PPP2R5B: variants seen among roughly 807,000 people sequenced by gnomAD.
PPP2R5B encodes serine/threonine-protein phosphatase 2A 56 kDa regulatory subunit beta isoform.
In PPP2R5B, 19 loss-of-function variants were observed where a neutral mutation model predicts 59.9. The ratio of observed to expected loss-of-function variants is 0.32; its 90% confidence interval spans 0.22 to 0.47. The LOEUF is 0.47. Among genes scored for constraint, PPP2R5B ranks in the 20% least tolerant of loss-of-function variants. The pLI is 1.00. For synonymous variants in PPP2R5B, 286 were observed against 260.5 expected, an observed-to-expected ratio of 1.10 and a Z score of -0.94; for missense variants, 441 against 640.2, an observed-to-expected ratio of 0.69 and a Z score of 3.36.
At position 64,926,925 on chromosome 11, in the gene PPP2R5B, C is replaced by T. The variant is rs750358126; in HGVS notation, c.396+17C>T. Reference sequence around the variant, plus strand: ...ATCCGCATGGTGAGCACCTGCCACCCAGGCTCCGAGGGCCGGCCGAGAGGG... The same window carrying T: ...ATCCGCATGGTGAGCACCTGCCACCTAGGCTCCGAGGGCCGGCCGAGAGGG... On this transcript the variant is annotated intron_variant, in intron 3 of 13. Coordinates refer to ENST00000164133, the MANE Select transcript of PPP2R5B (RefSeq NM_006244.4). 4 of 1,610,692 alleles carry T rather than the reference C, an allele frequency of 2.5e-6. No individual in the cohort carries two copies. The highest frequency in any genetic ancestry group is 3.4e-6 in the Non-Finnish European group (4 of 1,178,112).
intron 3 of PPP2R5B, among the ~76,000 whole-genome samples, chr11:64,927,410 A>C (rs1490213876): frequency 6.6e-6 from 1 of 152,166 alleles, no homozygotes; most frequent in Non-Finnish European, 1.5e-5. Flanking sequence ...GCTGAAATCA[A>C]CCCATTAGAA....
At chr11:64,927,685 C>T (rs1264943209) in intron 3 of PPP2R5B, 117 bp from the exon 4 acceptor site, 3 of 790,124 alleles carry the variant, frequency 3.8e-6, no homozygotes, top group South Asian at 3.4e-5. Context: ...CCAGCTTGGG[C>T]AACAGAGCGA....
In PPP2R5B at chr11:64,925,623, C is replaced by A. The variant is rs556546384; in HGVS notation, c.-112C>A. 560 of 566,242 alleles carry A rather than the reference C, an allele frequency of 9.9e-4. 13 individuals carry two copies. Among genetic ancestry groups the A allele is most frequent in the Non-Finnish European group, 1.4e-3 (442 of 321,534 alleles). 35.1% of individuals were successfully genotyped at this position (566,242 alleles called of 1,614,324 possible). A position where few individuals can be genotyped will look rare whatever the true frequency, so the allele number is the denominator to read the frequency against. On this transcript the variant is annotated 5_prime_UTR_variant, in exon 2 of 14. Transcript: ENST00000164133. This position sits in a 1 kb window ranked among gnomAD's most constrained non-coding sequence, Gnocchi z 4.6. ...CCAGGACTGTGGTTGTGCCCCCCCC[C>A]CAAAGGCCGGACAGGATGGGACCAA... is the stretch of plus-strand genomic sequence containing the variant.
Position 64,928,116 on chromosome 11 carries a change from C to A in PPP2R5B, c.549C>A (p.Pro183=), listed in dbSNP as rs746347844. ...TCTTGGAGAGCCCAGACTTCCAGCC[C>A]TCCGTGGCCAAGAGATATGTGGATC... is the stretch of plus-strand genomic sequence containing the variant. The part of the protein sequence containing the change: ...LRFLESPDFQ[P]SVAKRYVDQK... Residue 183 remains proline, a synonymous_variant, in exon 5 of 14, where the codon CCC becomes CCA. Coordinates refer to ENST00000164133, the MANE Select transcript of PPP2R5B (RefSeq NM_006244.4). The A allele has an allele frequency of 1.4e-5, 22 of 1,614,234 alleles. No homozygotes were observed. In the Admixed American group the frequency reaches 3.3e-4, roughly 24 times the overall value.
chr11:64,931,329 C>T lies in PPP2R5B; in HGVS notation c.892-107C>T, dbSNP rs1945225495. 1 of 1,220,410 alleles carries T rather than the reference C, an allele frequency of 8.2e-7. No individual in the cohort carries two copies. 75.6% of individuals were successfully genotyped at this position (1,220,410 alleles called of 1,614,324 possible). ...AAATGCTTGGTGAATAAGAAAGTAA[C>T]AGGCCGTGGGTGAGCAGTATTTGGC... On this transcript the variant is annotated intron_variant, in intron 8 of 13. Transcript: ENST00000164133. This position sits in a 1 kb window ranked among gnomAD's most constrained non-coding sequence, Gnocchi z 5.0.
In PPP2R5B at chr11:64,926,724, C is replaced by T; in HGVS notation, c.212C>T (p.Ser71Phe). 1 of 1,614,074 alleles carries T rather than the reference C, an allele frequency of 6.2e-7. No homozygotes were observed. Among genetic ancestry groups the T allele is most frequent in the Non-Finnish European group, 8.5e-7 (1 of 1,180,004 alleles). Residue 71 changes from serine to phenylalanine, a missense_variant, in exon 3 of 14, where the codon TCC becomes TTC. Coordinates refer to ENST00000164133, the MANE Select transcript of PPP2R5B (RefSeq NM_006244.4). ...CTCTCCTCCCCAGATGTGCCGGCTT[C>T]CGAGCTGCACGAGCTGCTGAGCCGG... Reference protein sequence around the residue: ...PLPLLKDVPASELHELLSRKL... With the variant: ...PLPLLKDVPAFELHELLSRKL...
At chr11:64,927,713 GAAAAAA>G in intron 3 of PPP2R5B, 83 bp from the exon 4 acceptor site, 1 of 845,044 alleles carries the variant, frequency 1.2e-6, no homozygotes, top group Non-Finnish European at 1.8e-6. Flanking sequence ...TCTTGGGAAA[GAAAAAA>G]AAAAAAAAAG....
At chr11:64,926,146 C>T (rs866929415) in intron 2 of PPP2R5B, among the ~76,000 whole-genome samples, 6 of 152,230 alleles carry the variant, frequency 3.9e-5, no homozygotes, top group Non-Finnish European at 5.9e-5. Flanking sequence ...GTGGGACATC[C>T]GAAGGTGGTG....
upstream of PPP2R5B, among the ~76,000 whole-genome samples, chr11:64,920,812 T>A (rs555377300): frequency 1.3e-5 from 2 of 151,738 alleles, no homozygotes; most frequent in Admixed American, 1.3e-4. Flanking sequence ...CTGTTTTTAG[T>A]AGAGATGGGG....
rs1489188334 is a variant in PPP2R5B at position 64,933,796 on chromosome 11, C to T, written c.1446C>T (p.Pro482=). Residue 482 remains proline, a synonymous_variant, in exon 14 of 14, where the codon CCC becomes CCT. Coordinates refer to ENST00000164133, the MANE Select transcript of PPP2R5B (RefSeq NM_006244.4). ...GGACCCAGGGGGCCAAGGAGGCCCC[C>T]CTCCAGCGGCTTACACCCCAGGTGG... ...LQGTQGAKEA[P]LQRLTPQVAA... is the part of the protein sequence containing the mutation. 6.4e-7 allele frequency: 1 copy of T among 1,553,098 alleles called. No homozygotes were observed. Among genetic ancestry groups the T allele is most frequent in the Admixed American group, 2.0e-5 (1 of 51,076 alleles).
In PPP2R5B at chr11:64,931,341, G is replaced by C. The variant is rs150772085; in HGVS notation, c.892-95G>C. The C allele has an allele frequency of 7.3e-4, 981 of 1,344,708 alleles. 15 individuals are homozygous for C. The East Asian group carries it at 0.023, about 32-fold the overall frequency. 83.3% of individuals were successfully genotyped at this position (1,344,708 alleles called of 1,614,324 possible). ...AATAAGAAAGTAACAGGCCGTGGGT[G>C]AGCAGTATTTGGCATTCTGTCCTGG... is the stretch of plus-strand genomic sequence containing the variant. On this transcript the variant is annotated intron_variant, in intron 8 of 13. Transcript: ENST00000164133. The surrounding 1 kb of genome is among the most constrained non-coding windows in gnomAD (Gnocchi z 5.0).
intron 6 of PPP2R5B, among the ~76,000 whole-genome samples, chr11:64,928,727 A>C (rs1481107905): frequency 1.3e-5 from 2 of 152,250 alleles, no homozygotes; most frequent in Non-Finnish European, 2.9e-5. Context: ...TACTAAAAAT[A>C]CAAAAAATTA....
At position 64,928,303 on chromosome 11, in the gene PPP2R5B, G is replaced by A. The variant is rs1435564777; in HGVS notation, c.600G>A (p.Glu200=). 3.1e-6 allele frequency: 5 copies of A among 1,613,880 alleles called. No homozygotes were observed. In the South Asian group the frequency reaches 5.5e-5, roughly 18 times the overall value. The change falls in exon 6 of 14, where the codon GAG becomes GAA. Residue 200 remains glutamate, a synonymous_variant. Coordinates refer to ENST00000164133, the MANE Select transcript of PPP2R5B (RefSeq NM_006244.4). ...GACTCTGGTTCCCACAGCTCCTGGA[G>A]CTATTTGATAGTGAGGATCCCCGGG... is the stretch of plus-strand genomic sequence containing the variant. ...VDQKFVLMLL[E]LFDSEDPRER...
intron 13 of PPP2R5B, among the ~76,000 whole-genome samples, chr11:64,933,484 G>A (rs1346371709): frequency 2.0e-5 from 3 of 152,150 alleles, no homozygotes; most frequent in Non-Finnish European, 2.9e-5. Flanking sequence ...AACCACTCAG[G>A]CCCCACCCGT....
chr11:64,926,982 C>G, intron 3 of PPP2R5B, 74 bp downstream of exon 3: 1 of 1,514,592 alleles, frequency 6.6e-7, no homozygotes, highest in East Asian at 2.4e-5. Context: ...CCGCAGGACC[C>G]CTGCGTGGAG....
chr11:64,932,074 C>CA (rs967933113), intron 11 of PPP2R5B, among the ~76,000 whole-genome samples: 22 of 152,158 alleles, frequency 1.4e-4, no homozygotes, highest in African/African-American at 4.6e-4. Flanking sequence ...ATCACTGCAC[C>CA]ACTCTGATTC....
At chr11:64,928,672 G>A (rs547154462) in intron 6 of PPP2R5B, among the ~76,000 whole-genome samples, 1 of 152,360 alleles carries the variant, frequency 6.6e-6, no homozygotes, top group African/African-American at 2.4e-5. Flanking sequence ...AGCTACTTGG[G>A]ACGCTGAGAC....
chr11:64,926,943 C>T (rs772316119), intron 3 of PPP2R5B, 35 bp downstream of exon 3: 11 of 1,600,374 alleles, frequency 6.9e-6, no homozygotes, highest in East Asian at 6.8e-5. Flanking sequence ...GAGGGCCGGC[C>T]GAGAGGGCGT....
chr11:64,930,228 G>C (rs774932033), intron 6 of PPP2R5B, 94 bp from the exon 7 acceptor site: 9 of 1,365,712 alleles, frequency 6.6e-6, no homozygotes, highest in Non-Finnish European at 3.1e-6. Context: ...TTGGATGAGC[G>C]TGCCGTGCAG....
Sources: allele counts gnomAD v4.1 joint callset (sites outside exome capture counted in the v4.1 genomes callset), GRCh38; gene constraint gnomAD v4.1.1; non-coding constraint Gnocchi (gnomAD v3.1); transcripts MANE v1.5; gene names NCBI Gene and HGNC (gene_info 2026-07-23, HGNC 2026-07-21).